The following PPP6R3 variants were observed in gnomAD, a reference collection of about 807,000 sequenced individuals.
PPP6R3 encodes the protein serine/threonine-protein phosphatase 6 regulatory subunit 3.
In PPP6R3, 38 loss-of-function variants were observed where a neutral mutation model predicts 110.7. The observed-to-expected ratio is 0.34, with a 90% CI of 0.26 to 0.45. The LOEUF is 0.45. Among genes scored for constraint, PPP6R3 ranks in the 20% least tolerant of loss-of-function variants. PPP6R3 has a pLI of 1.00. For missense variants in PPP6R3, 870 were observed against 1,062.4 expected, an observed-to-expected ratio of 0.82 and a Z score of 2.52; for synonymous variants, 369 against 373.5, an observed-to-expected ratio of 0.99 and a Z score of 0.14.
chr11:68,495,610 T>A (rs1371679121), intron 1 of PPP6R3, among the ~76,000 whole-genome samples: 1 of 152,212 alleles, frequency 6.6e-6, no homozygotes, highest in Non-Finnish European at 1.5e-5. Context: ...TGGGACTAGC[T>A]TTTTCCCTCT....
intron 1 of PPP6R3, among the ~76,000 whole-genome samples, chr11:68,495,336 T>C (rs1045718896): frequency 6.6e-6 from 1 of 152,242 alleles, no homozygotes; most frequent in Non-Finnish European, 1.5e-5. Flanking sequence ...CATTATTGTT[T>C]TGTAACAGCT....
intron 11 of PPP6R3, 104 bp downstream of exon 11, chr11:68,570,001 T>G (rs1330406858): frequency 1.1e-5 from 12 of 1,067,748 alleles, no homozygotes; most frequent in Non-Finnish European, 1.6e-5. Context: ...AGGTTAGATT[T>G]CAGAGTCTAA....
intron 3 of PPP6R3, among the ~76,000 whole-genome samples, chr11:68,542,183 G>A (rs1169923295): frequency 1.3e-5 from 2 of 151,830 alleles, no homozygotes; most frequent in African/African-American, 2.4e-5. Context: ...GAGCATACAT[G>A]CAGGAGATGA....
At position 68,558,456 on chromosome 11, in the gene PPP6R3, G is replaced by T. The variant is rs1329645194; in HGVS notation, c.732-110G>T. The T allele has an allele frequency of 1.7e-5, 11 of 640,330 alleles. No individual in the cohort carries two copies. The East Asian group carries it at 2.3e-4, about 14-fold the overall frequency. The allele number at this position is 640,330 out of a possible 1,614,324, so 39.7% of individuals were successfully genotyped here. ...AGAAATAAAATAGTAAAACAAATAT[G>T]CCCAAGTATGAACTCTTCAGTGATG... On this transcript the variant is annotated intron_variant, in intron 7 of 23. Coordinates refer to ENST00000393800, the MANE Select transcript of PPP6R3 (RefSeq NM_001164161.2).
chr11:68,569,343 A>G (rs544772882), intron 10 of PPP6R3, among the ~76,000 whole-genome samples: 14 of 152,338 alleles, frequency 9.2e-5, no homozygotes, highest in Non-Finnish European at 1.8e-4. Flanking sequence ...AACCACAGCT[A>G]TCGAACCCTA....
chr11:68,584,497 A>G (rs2099572116), intron 15 of PPP6R3, among the ~76,000 whole-genome samples: 2 of 152,216 alleles, frequency 1.3e-5, no homozygotes, highest in Admixed American at 6.5e-5. Flanking sequence ...GTAATTTTGT[A>G]CCTGTTGAAA....
chr11:68,496,111 C>T (rs2099013963), intron 1 of PPP6R3, among the ~76,000 whole-genome samples: 1 of 152,044 alleles, frequency 6.6e-6, no homozygotes, highest in African/African-American at 2.4e-5. Context: ...CACCTCCGCC[C>T]CCCAAGTTGC....
chr11:68,475,531 C>T (rs1341908929), intron 1 of PPP6R3, among the ~76,000 whole-genome samples: 2 of 151,118 alleles, frequency 1.3e-5, no homozygotes, highest in Non-Finnish European at 3.0e-5. Flanking sequence ...GGGCAGCGGC[C>T]GGGCGGGGGC....
chr11:68,482,338 C>T (rs532834042), intron 1 of PPP6R3, among the ~76,000 whole-genome samples: 6 of 150,484 alleles, frequency 4.0e-5, no homozygotes, highest in Non-Finnish European at 8.9e-5. Flanking sequence ...CGCTTGAACC[C>T]GGGAGGCAGA....
chr11:68,605,090 A>G (rs1438772637), intron 22 of PPP6R3, among the ~76,000 whole-genome samples: 1 of 152,228 alleles, frequency 6.6e-6, no homozygotes, highest in Non-Finnish European at 1.5e-5. Flanking sequence ...CTGTAATCCC[A>G]GCACTTTGGG....
At chr11:68,507,144 A>G (rs924593621) in intron 1 of PPP6R3, among the ~76,000 whole-genome samples, 3 of 152,190 alleles carry the variant, frequency 2.0e-5, no homozygotes, top group Admixed American at 2.0e-4. Context: ...TTAGGTGCCA[A>G]AGTCTTTACT....
intron 12 of PPP6R3, among the ~76,000 whole-genome samples, chr11:68,572,313 G>A (rs924898603): frequency 2.0e-5 from 3 of 152,128 alleles, no homozygotes; most frequent in Non-Finnish European, 2.9e-5. Flanking sequence ...GGTGAGTCCC[G>A]TTTTCTGGAG....
intron 1 of PPP6R3, among the ~76,000 whole-genome samples, chr11:68,503,020 T>C (rs1038595720): frequency 1.3e-5 from 2 of 152,232 alleles, no homozygotes; most frequent in African/African-American, 4.8e-5. Context: ...ACTGGCTCAC[T>C]ACAACCTCCG....
chr11:68,500,194 C>T (rs1286928128), intron 1 of PPP6R3, among the ~76,000 whole-genome samples: 1 of 152,140 alleles, frequency 6.6e-6, no homozygotes, highest in Non-Finnish European at 1.5e-5. Flanking sequence ...TTATTCAATA[C>T]TTAGACTTGA....
At chr11:68,503,245 A>T (rs1458880892) in intron 1 of PPP6R3, among the ~76,000 whole-genome samples, 1 of 152,174 alleles carries the variant, frequency 6.6e-6, no homozygotes, top group Non-Finnish European at 1.5e-5. Context: ...CCCGGCCTGG[A>T]GAAGAATATT....
chr11:68,558,500 C>CT, intron 7 of PPP6R3, 66 bp from the exon 8 acceptor site: 6 of 1,033,664 alleles, frequency 5.8e-6, no homozygotes, highest in South Asian at 1.4e-5. Flanking sequence ...GTACCGTCGT[C>CT]TTTTTTTCTG....
intron 1 of PPP6R3, among the ~76,000 whole-genome samples, chr11:68,489,241 G>A (rs201658314): frequency 2.0e-5 from 3 of 151,854 alleles, no homozygotes; most frequent in Non-Finnish European, 4.4e-5. Context: ...GGATGGTCTC[G>A]ATCTCCTGAC....
At chr11:68,479,643 A>G (rs2098887066) in intron 1 of PPP6R3, among the ~76,000 whole-genome samples, 1 of 151,818 alleles carries the variant, frequency 6.6e-6, no homozygotes, top group African/African-American at 2.4e-5. Flanking sequence ...TCTTTCTTTC[A>G]TTTTTTAAAG....
At chr11:68,604,156 A>G (rs1434637038) in intron 22 of PPP6R3, among the ~76,000 whole-genome samples, 1 of 152,240 alleles carries the variant, frequency 6.6e-6, no homozygotes. Flanking sequence ...GTGAAAGAAG[A>G]AAACTGACTG....
Sources: allele counts gnomAD v4.1 joint callset (sites outside exome capture counted in the v4.1 genomes callset), GRCh38; gene constraint gnomAD v4.1.1; transcripts MANE v1.5; gene names NCBI Gene and HGNC (gene_info 2026-07-23, HGNC 2026-07-21).